Variants in GALNTL6 observed in about 807,000 individuals in gnomAD.
The protein encoded by GALNTL6 is polypeptide N-acetylgalactosaminyltransferase like 6.
A neutral mutation model predicts 73.7 loss-of-function variants in GALNTL6; 46 were observed. That is an observed-to-expected ratio of 0.62 (90% CI 0.49 to 0.80). The LOEUF (loss-of-function observed/expected upper bound fraction) is 0.80, where lower values mean the gene tolerates loss of function less well. Ranked by LOEUF, GALNTL6 falls within the 30% of genes least tolerant of loss-of-function variation. The pLI, the probability that GALNTL6 is intolerant of heterozygous loss-of-function variation, is 0.00. For synonymous variants in GALNTL6, 259 were observed against 263.7 expected (o/e 0.98, Z 0.17); for missense variants, 604 against 755.0 (o/e 0.80, Z 2.34).
At chr4:172,539,837 A>G (rs1198613474) in intron 5 of GALNTL6, among the ~76,000 whole-genome samples, 1 of 147,448 alleles carries the variant, frequency 6.8e-6, no homozygotes. Flanking sequence ...TGCCACATAT[A>G]TATATGAGAT....
chr4:172,368,106 C>T (rs1033821283), intron 5 of GALNTL6, among the ~76,000 whole-genome samples: 2 of 152,048 alleles, frequency 1.3e-5, no homozygotes, highest in Admixed American at 6.5e-5. Flanking sequence ...ATTGGCCAGG[C>T]GCAGTGGCTC....
intron 8 of GALNTL6, among the ~76,000 whole-genome samples, chr4:172,917,726 G>A (rs1283594594): frequency 6.6e-6 from 1 of 152,140 alleles, no homozygotes; most frequent in African/African-American, 2.4e-5. Context: ...TTAGAATGGG[G>A]ATCATTAAAA....
At chr4:173,025,728 G>GGCCAACATAACA (rs1380249666) in intron 12 of GALNTL6, among the ~76,000 whole-genome samples, 2 of 152,186 alleles carry the variant, frequency 1.3e-5, no homozygotes, top group Non-Finnish European at 2.9e-5. Flanking sequence ...TTCACAACCT[G>GGCCAACATAACA]GCCAACATAA....
intron 5 of GALNTL6, among the ~76,000 whole-genome samples, chr4:172,415,803 G>T (rs779990156): frequency 6.6e-6 from 1 of 152,074 alleles, no homozygotes; most frequent in Non-Finnish European, 1.5e-5. Flanking sequence ...CGTGACCGGG[G>T]GCTGCCTGCA....
intron 5 of GALNTL6, among the ~76,000 whole-genome samples, chr4:172,709,505 G>T (rs1338516101): frequency 2.6e-5 from 4 of 152,126 alleles, no homozygotes; most frequent in Non-Finnish European, 5.9e-5. Flanking sequence ...AACAGCTGAG[G>T]CTGAGCTCAG....
intron 5 of GALNTL6, among the ~76,000 whole-genome samples, chr4:172,622,930 C>CA (rs1173894229): frequency 6.6e-6 from 1 of 151,824 alleles, no homozygotes; most frequent in Non-Finnish European, 1.5e-5. Context: ...AAGTCCATAC[C>CA]AAAAAAATTT....
chr4:172,482,338 G>A (rs1733520023), intron 5 of GALNTL6, among the ~76,000 whole-genome samples: 1 of 152,252 alleles, frequency 6.6e-6, no homozygotes, highest in Non-Finnish European at 1.5e-5. Flanking sequence ...GCAACGGGCT[G>A]AAGGGCTCCT....
intron 4 of GALNTL6, among the ~76,000 whole-genome samples, chr4:172,325,537 G>T (rs1221740793): frequency 6.6e-6 from 1 of 151,912 alleles, no homozygotes. Flanking sequence ...GTGAGCCTGA[G>T]TTCCTTAAAA....
chr4:173,019,088 G>C (rs974501763), intron 11 of GALNTL6, among the ~76,000 whole-genome samples: 31 of 152,204 alleles, frequency 2.0e-4, no homozygotes, highest in African/African-American at 7.0e-4. Flanking sequence ...AAAATGGTAA[G>C]ACTTGGTCAT....
intron 5 of GALNTL6, among the ~76,000 whole-genome samples, chr4:172,503,267 C>A (rs1415191335): frequency 3.3e-5 from 5 of 151,838 alleles, no homozygotes; most frequent in African/African-American, 1.2e-4. Flanking sequence ...AAGCAAAATA[C>A]CTTATTAAAT....
chr4:172,177,819 G>GTATATATACACACACATATATGTGTGTA (rs1735088723), intron 2 of GALNTL6, among the ~76,000 whole-genome samples: 1 of 131,390 alleles, frequency 7.6e-6, no homozygotes. Flanking sequence ...ATATGTGTGT[G>GTATATATACACACACATATATGTGTGTA]TATATATACA....
At chr4:172,595,020 C>T (rs1020712015) in intron 5 of GALNTL6, among the ~76,000 whole-genome samples, 3 of 152,174 alleles carry the variant, frequency 2.0e-5, no homozygotes. Context: ...AGACTACCAT[C>T]TTCTTATATC....
intron 5 of GALNTL6, among the ~76,000 whole-genome samples, chr4:172,773,105 A>G (rs921157488): frequency 6.6e-6 from 1 of 152,218 alleles, no homozygotes; most frequent in Non-Finnish European, 1.5e-5. Context: ...GGGGGTTAGG[A>G]TGAACTACAT....
At chr4:172,430,723 T>A (rs1485930261) in intron 5 of GALNTL6, among the ~76,000 whole-genome samples, 1 of 152,140 alleles carries the variant, frequency 6.6e-6, no homozygotes, top group Admixed American at 6.6e-5. Flanking sequence ...GAGGTTTGCT[T>A]GAACCCAGGA....
At chr4:173,019,903 G>C (rs1371713450) in intron 11 of GALNTL6, among the ~76,000 whole-genome samples, 1 of 152,194 alleles carries the variant, frequency 6.6e-6, no homozygotes, top group African/African-American at 2.4e-5. Flanking sequence ...TCCTTTCCTA[G>C]GTGGAACCTA....
chr4:171,838,403 G>C (rs569385473), intron 2 of GALNTL6, among the ~76,000 whole-genome samples: 1 of 152,166 alleles, frequency 6.6e-6, no homozygotes, highest in Non-Finnish European at 1.5e-5. Flanking sequence ...GATTACAGTT[G>C]TGAGCCACCA....
chr4:172,837,490 TA>T (rs796497844), intron 7 of GALNTL6, among the ~76,000 whole-genome samples: 6 of 152,234 alleles, frequency 3.9e-5, no homozygotes, highest in African/African-American at 1.4e-4. Context: ...AGTCTATAAA[TA>T]GAAACTAAAA....
chr4:172,156,547 A>ATG (rs6148787), intron 2 of GALNTL6, among the ~76,000 whole-genome samples: 1 of 113,776 alleles, frequency 8.8e-6, no homozygotes, highest in Admixed American at 8.8e-5. Flanking sequence ...TATAATATAT[A>ATG]TATATATATA....
chr4:173,037,787 G>A (rs1283219180), intron 12 of GALNTL6, among the ~76,000 whole-genome samples: 1 of 151,650 alleles, frequency 6.6e-6, no homozygotes, highest in African/African-American at 2.4e-5. Flanking sequence ...CTGTCTCCCA[G>A]GCTGGAGTGC....
Sources: allele counts gnomAD v4.1 joint callset (sites outside exome capture counted in the v4.1 genomes callset), GRCh38; gene constraint gnomAD v4.1.1; transcripts MANE v1.5; gene names NCBI Gene and HGNC (gene_info 2026-07-23, HGNC 2026-07-21).